Variants in CNKSR3 observed in about 807,000 individuals in gnomAD.
CNKSR3 encodes CNKSR family member 3.
A neutral mutation model predicts 67.7 loss-of-function variants in CNKSR3; 36 were observed. That is an observed-to-expected ratio of 0.53 (90% confidence interval 0.41 to 0.70). CNKSR3 has a LOEUF of 0.70. Among genes scored for constraint, CNKSR3 ranks in the 30% least tolerant of loss-of-function variants. CNKSR3 has a pLI of 0.00. For synonymous variants in CNKSR3, 281 were observed against 271.4 expected, an observed-to-expected ratio of 1.04 and a Z score of -0.35; for missense variants, 630 against 695.2, an observed-to-expected ratio of 0.91 and a Z score of 1.05.
intron 10 of CNKSR3, among the ~76,000 whole-genome samples, chr6:154,411,661 TA>T (rs1784915655): frequency 7.4e-6 from 1 of 135,156 alleles, no homozygotes; most frequent in Non-Finnish European, 1.6e-5. Context: ...AAAAGAAGAG[TA>T]AATGCAGGGT....
rs1784691099 is a variant in CNKSR3 at position 154,399,171 on chromosome 6, TA to T, written c.*7182del. 1 of 152,072 alleles carries T rather than the reference TA, an allele frequency of 6.6e-6. No individual in the cohort carries two copies. Among genetic ancestry groups the T allele is most frequent in the Non-Finnish European group, 1.5e-5 (1 of 68,028 alleles). 9.4% of individuals were successfully genotyped at this position (152,072 alleles called of 1,614,324 possible). ...AACATCCGAGTGAGTTTTCTAACAG[TA>T]AAAGCTGCATCTCTAGGCCACTGAC... On this transcript the variant is annotated 3_prime_UTR_variant, in exon 13 of 13. Transcript: ENST00000607772.
chr6:154,480,706 G>C (rs1786548212), intron 1 of CNKSR3, among the ~76,000 whole-genome samples: 1 of 152,116 alleles, frequency 6.6e-6, no homozygotes, highest in African/African-American at 2.4e-5. Flanking sequence ...ACATCCAACA[G>C]AAGATATACC....
At position 154,442,077 on chromosome 6, in the gene CNKSR3, C is replaced by G. The variant is rs764534511; in HGVS notation, c.419+11G>C. On this transcript the variant is annotated intron_variant, in intron 3 of 12. Coordinates refer to ENST00000607772, the MANE Select transcript of CNKSR3 (RefSeq NM_173515.4). ...TCTTGCAGGGCAGTAAAAGGCACAT[C>G]TCCAACTTACCGGTCCAGCCACGCC... 2.1e-5 allele frequency: 34 copies of G among 1,594,420 alleles called. No homozygotes were observed. The African/African-American group carries it at 4.3e-4, about 20-fold the overall frequency.
Position 154,499,011 on chromosome 6 carries a change from C to T in CNKSR3, c.52+11052G>A, listed in dbSNP as rs543504111. Reference sequence around the variant, plus strand: ...CACATGAAAGCTAAACAGGTCCTTTCGGACCCATGAAACATGCCCCTTCTG... The same window carrying T: ...CACATGAAAGCTAAACAGGTCCTTTTGGACCCATGAAACATGCCCCTTCTG... On this transcript the variant is annotated intron_variant, in intron 1 of 12. Coordinates refer to ENST00000607772, the MANE Select transcript of CNKSR3 (RefSeq NM_173515.4). Among the ~76,000 whole-genome samples the T allele has an allele frequency of 4.6e-5, 7 of 152,272 alleles. No individual in the cohort carries two copies. In the South Asian group the frequency reaches 1.0e-3, roughly 23 times the overall value.
intron 1 of CNKSR3, among the ~76,000 whole-genome samples, chr6:154,473,089 C>T (rs373683681): frequency 2.6e-5 from 4 of 152,188 alleles, no homozygotes; most frequent in African/African-American, 9.7e-5. Flanking sequence ...CCCCAAAGAA[C>T]CCTCCGTGAT....
At position 154,406,665 on chromosome 6, in the gene CNKSR3, A is replaced by G. The variant is rs1434464164; in HGVS notation, c.1370-13T>C. ...AGGGCATCCTCCCCTGTTTCCAGACAAAGTCCATTAAGTCACAATCCCAGC... is the reference window on the plus strand; with the variant it reads ...AGGGCATCCTCCCCTGTTTCCAGACGAAGTCCATTAAGTCACAATCCCAGC... On this transcript the variant is annotated splice_polypyrimidine_tract_variant and intron_variant, in intron 12 of 12. Coordinates refer to ENST00000607772, the MANE Select transcript of CNKSR3 (RefSeq NM_173515.4). 4.4e-6 allele frequency: 7 copies of G among 1,604,362 alleles called. No homozygotes were observed. In the African/African-American group the frequency reaches 5.4e-5, roughly 12 times the overall value.
intron 4 of CNKSR3, 99 bp from the exon 5 acceptor site, chr6:154,433,606 GGTCC>G (rs1785413342): frequency 2.3e-6 from 2 of 854,114 alleles, no homozygotes; most frequent in Non-Finnish European, 3.9e-6. Context: ...AGCTCAAGAC[GGTCC>G]CTGACACACC....
At chr6:154,462,649 C>T (rs6557357) in intron 1 of CNKSR3, among the ~76,000 whole-genome samples, 51,185 of 151,970 alleles carry the variant, frequency 0.34, 9,040 homozygotes, top group African/African-American at 0.42. Flanking sequence ...CCAAGCACCT[C>T]GGGCTCCTAT....
chr6:154,455,368 G>A (rs563820052), intron 1 of CNKSR3, among the ~76,000 whole-genome samples: 242 of 152,176 alleles, frequency 1.6e-3, no homozygotes, highest in African/African-American at 5.4e-3. Context: ...GGAGAACATT[G>A]CTGGTGTTCA....
rs571049824 is a variant in CNKSR3, at chr6:154,451,356, A to G, written c.53-1098T>C. Among the ~76,000 whole-genome samples the G allele has an allele frequency of 3.3e-5, 5 of 152,378 alleles. No homozygotes were observed. The South Asian group carries it at 8.3e-4, about 25-fold the overall frequency. ...GTCACCTTAGTGTTTTAAAAGACTT[A>G]GTGATTTAAAAGTGTTTTAAAAGTT... is the stretch of plus-strand genomic sequence containing the variant. On this transcript the variant is annotated intron_variant, in intron 1 of 12. Coordinates refer to ENST00000607772, the MANE Select transcript of CNKSR3 (RefSeq NM_173515.4).
intron 7 of CNKSR3, among the ~76,000 whole-genome samples, chr6:154,426,827 T>C (rs894089082): frequency 1.3e-5 from 2 of 152,220 alleles, no homozygotes; most frequent in Non-Finnish European, 2.9e-5. Context: ...AATTGCTAGA[T>C]TGCAAAACTT....
At position 154,395,140 on chromosome 6, in the gene CNKSR3, G is replaced by T. The variant is rs1784646522; in HGVS notation, c.*11214C>A. On this transcript the variant is annotated 3_prime_UTR_variant, in exon 13 of 13. Coordinates refer to ENST00000607772, the MANE Select transcript of CNKSR3 (RefSeq NM_173515.4). ...CAAGCTTAGGACGCGTGCTCCCCCT[G>T]CAAGGAGAGAAGGAAAAAGTAAGAG... 6.6e-6 allele frequency: 1 copy of T among 152,192 alleles called. No homozygotes were observed. Among genetic ancestry groups the T allele is most frequent in the Admixed American group, 6.5e-5 (1 of 15,268 alleles). 9.4% of individuals were successfully genotyped at this position (152,192 alleles called of 1,614,324 possible).
In CNKSR3 at chr6:154,406,648, C is replaced by A. The variant is rs1299030277; in HGVS notation, c.1374G>T (p.Glu458Asp). The change falls in exon 13 of 13, where the codon GAG becomes GAT. Residue 458 changes from glutamate to aspartate, a missense_variant. Glu to Asp is a conservative substitution (Grantham distance 45). Around this residue, in one of 3 missense-constraint regions of CNKSR3, gnomAD observed 308 missense variants for 299.6 expected, o/e 1.03. Coordinates refer to ENST00000607772, the MANE Select transcript of CNKSR3 (RefSeq NM_173515.4). ...TACTGAAATACCGGCAAAGGGCATC[C>A]TCCCCTGTTTCCAGACAAAGTCCAT... ...ARPRGHGRKGEDALCRYFSNE... is the reference protein window; with the variant it reads ...ARPRGHGRKGDDALCRYFSNE... 4 of 1,610,306 alleles carry A rather than the reference C, an allele frequency of 2.5e-6. No homozygotes were observed. The highest frequency in any genetic ancestry group is 1.6e-4 in the Middle Eastern group (1 of 6,072).
Position 154,450,247 on chromosome 6 carries a change from A to G in CNKSR3, c.64T>C (p.Cys22Arg), listed in dbSNP as rs771220720. 12 of 1,613,954 alleles carry G rather than the reference A, an allele frequency of 7.4e-6. No individual in the cohort carries two copies. The African/African-American group carries it at 1.3e-4, about 18-fold the overall frequency. ...VVDWTRGLDD[C>R]LQQYVHKFER... ...AACTTGTGGACATATTGTTGCAGGCAGTCATCCAACCCTGCCAAAAACAAT... is the reference window on the plus strand; with the variant it reads ...AACTTGTGGACATATTGTTGCAGGCGGTCATCCAACCCTGCCAAAAACAAT... Residue 22 changes from cysteine (C) to arginine (R), a missense_variant, in exon 2 of 13, where the codon TGC (cysteine) becomes CGC (arginine). Cys to Arg is a radical substitution (Grantham distance 180). Coordinates refer to ENST00000607772, the MANE Select transcript of CNKSR3 (RefSeq NM_173515.4).
At chr6:154,424,093 A>G (rs1190038398) in intron 7 of CNKSR3, among the ~76,000 whole-genome samples, 1 of 152,098 alleles carries the variant, frequency 6.6e-6, no homozygotes, top group South Asian at 2.1e-4. Flanking sequence ...TTAGCCAGGC[A>G]TGGTGGCGGG....
At chr6:154,422,715 T>C in intron 8 of CNKSR3, 63 bp from the exon 9 acceptor site, 2 of 1,563,254 alleles carry the variant, frequency 1.3e-6, no homozygotes, top group Non-Finnish European at 1.8e-6. Context: ...ACCGAACCTA[T>C]GAATTTATCT....
intron 5 of CNKSR3, among the ~76,000 whole-genome samples, chr6:154,433,033 G>C (rs984364438): frequency 6.6e-6 from 1 of 152,174 alleles, no homozygotes; most frequent in Non-Finnish European, 1.5e-5. Context: ...ATGTCAAAAG[G>C]AGGAAGTGAT....
intron 2 of CNKSR3, among the ~76,000 whole-genome samples, chr6:154,448,380 G>A (rs528553194): frequency 4.1e-5 from 6 of 146,122 alleles, no homozygotes; most frequent in East Asian, 4.0e-4. Flanking sequence ...CAGAAAAGAC[G>A]GAAAAGCCAT....
intron 1 of CNKSR3, among the ~76,000 whole-genome samples, chr6:154,473,185 T>C (rs1039646461): frequency 6.6e-6 from 1 of 152,168 alleles, no homozygotes; most frequent in African/African-American, 2.4e-5. Context: ...AACAAGTATC[T>C]AGTTCATTAT....
Sources: gnomAD v4.1 joint callset for allele counts (sites outside exome capture counted in the v4.1 genomes callset) on GRCh38, gnomAD v4.1.1 for gene constraint, gnomAD v4.1.1 regional missense constraint, MANE v1.5 for transcripts, NCBI Gene and HGNC (gene_info 2026-07-23, HGNC 2026-07-21) for gene names.